LMAN1L: variants seen among roughly 807,000 people sequenced by gnomAD.
The protein encoded by LMAN1L is lectin, mannose binding 1 like.
In LMAN1L, 60 loss-of-function variants were observed where a neutral mutation model predicts 58.3. That is an observed-to-expected ratio of 1.03 (90% confidence interval 0.84 to 1.27). The LOEUF is 1.27. Among genes scored for constraint, LMAN1L ranks in the 50% most tolerant of loss-of-function variants. The probability of loss-of-function intolerance (pLI) is 0.00; values close to 1 mark genes in which losing one functional copy is unlikely to be tolerated. For synonymous variants in LMAN1L, 280 were observed against 271.6 expected (o/e 1.03, Z -0.31); for missense variants, 629 against 674.0 (o/e 0.93, Z 0.74).
chr15:74,815,049 GCATTGTCTGTT>G (rs2063884472), intron 1 of LMAN1L, among the ~76,000 whole-genome samples: 1 of 152,234 alleles, frequency 6.6e-6, no homozygotes, highest in Non-Finnish European at 1.5e-5. Flanking sequence ...AGTGATGTGT[GCATTGTCTGTT>G]CATTCATTCG....
At chr15:74,813,298 C>A in intron 1 of LMAN1L, 1 of 592,934 alleles carries the variant, frequency 1.7e-6, no homozygotes, top group Non-Finnish European at 3.2e-6. Context: ...TCTCCTTGGA[C>A]CCCTGCCCTT....
At chr15:74,817,129 C>T (rs1055547815) in intron 4 of LMAN1L, among the ~76,000 whole-genome samples, 5 of 152,130 alleles carry the variant, frequency 3.3e-5, no homozygotes, top group African/African-American at 1.2e-4. Context: ...GGCTTCTGTC[C>T]CTCCCCGGCC....
intron 7 of LMAN1L, chr15:74,820,325 C>A: frequency 1.6e-6 from 1 of 616,700 alleles, no homozygotes; most frequent in East Asian, 2.7e-5. Context: ...GCGATCAGTG[C>A]CAGGTCTCAA....
intron 4 of LMAN1L, 42 bp from the exon 5 acceptor site, chr15:74,818,676 G>A (rs375584045): frequency 9.7e-5 from 143 of 1,472,544 alleles, no homozygotes; most frequent in Middle Eastern, 1.7e-4. Flanking sequence ...CCTGGGCAGC[G>A]ACTCTTTCTC....
At position 74,820,773 on chromosome 15, in the gene LMAN1L, G is replaced by A. The variant is rs752012537; in HGVS notation, c.907+6G>A. ...CTCTGAAGCTCAAGGAGAAGGTAGGGACCGAGAGAGCGGGCAGGTGGCGCC... is the reference window on the plus strand; with the variant it reads ...CTCTGAAGCTCAAGGAGAAGGTAGGAACCGAGAGAGCGGGCAGGTGGCGCC... On this transcript the variant is annotated splice_donor_region_variant and intron_variant, in intron 8 of 13. Coordinates refer to ENST00000309664, the MANE Select transcript of LMAN1L (RefSeq NM_021819.3). The A allele has an allele frequency of 6.2e-7, 1 of 1,607,994 alleles. No individual in the cohort carries two copies. Among genetic ancestry groups the A allele is most frequent in the East Asian group, 2.2e-5 (1 of 44,768 alleles).
Position 74,819,056 on chromosome 15 carries a change from C to T in LMAN1L, c.598-96C>T, listed in dbSNP as rs1374634382. On this transcript the variant is annotated intron_variant, in intron 5 of 13. Transcript: ENST00000309664. Reference sequence around the variant, plus strand: ...GGTCACCTCCATGCCATTCTGATACCAAGCCCTAGGGCCACCTGCCATCCC... The same window carrying T: ...GGTCACCTCCATGCCATTCTGATACTAAGCCCTAGGGCCACCTGCCATCCC... 4 of 1,452,388 alleles carry T rather than the reference C, an allele frequency of 2.8e-6. No homozygotes were observed. The East Asian group carries it at 9.1e-5, about 33-fold the overall frequency. The allele number at this position is 1,452,388 out of a possible 1,614,324, so 90.0% of individuals were successfully genotyped here.
At chr15:74,816,786 G>A (rs1464103441) in intron 4 of LMAN1L, 96 bp downstream of exon 4, 3 of 1,234,800 alleles carry the variant, frequency 2.4e-6, no homozygotes, top group East Asian at 2.6e-5. Flanking sequence ...TCCTCCAGCA[G>A]GGGGCCCACC....
intron 4 of LMAN1L, 58 bp from the exon 5 acceptor site, chr15:74,818,660 C>T (rs1662940104): frequency 1.5e-6 from 2 of 1,360,896 alleles, no homozygotes; most frequent in African/African-American, 1.4e-5. Flanking sequence ...CACCACTGCA[C>T]TCCAGCCTGG....
chr15:74,815,073 C>T (rs934551133), intron 1 of LMAN1L, among the ~76,000 whole-genome samples: 1 of 152,236 alleles, frequency 6.6e-6, no homozygotes, highest in African/African-American at 2.4e-5. Flanking sequence ...TTCATTCGTT[C>T]ACCCTGATGT....
intron 7 of LMAN1L, chr15:74,820,329 G>A (rs1322861077): frequency 1.1e-5 from 7 of 615,258 alleles, no homozygotes; most frequent in Middle Eastern, 8.6e-4. Flanking sequence ...TCAGTGCCAG[G>A]TCTCAAAAGG....
rs544087414 is a variant in LMAN1L, at chr15:74,819,383, T to C, written c.718+111T>C. On this transcript the variant is annotated intron_variant, in intron 6 of 13. Transcript: ENST00000309664. ...GCGTCAGCCACTTCACCACATGACC[T>C]GGGCTTCTGTGACCCTTGGGAGAAG... 110 of 1,374,836 alleles carry C rather than the reference T, an allele frequency of 8.0e-5. 1 individual carries two copies. The Middle Eastern group carries it at 1.1e-3, about 14-fold the overall frequency. 85.2% of individuals were successfully genotyped at this position (1,374,836 alleles called of 1,614,324 possible). A position where few individuals can be genotyped will look rare whatever the true frequency, so the allele number is the denominator to read the frequency against.
intron 11 of LMAN1L, 72 bp downstream of exon 11, chr15:74,822,781 C>G: frequency 8.8e-6 from 10 of 1,142,276 alleles, no homozygotes; most frequent in Admixed American, 5.2e-5. Context: ...GCCCTTCATT[C>G]CTTCCATCAT....
intron 7 of LMAN1L, 125 bp downstream of exon 7, chr15:74,820,224 C>A: frequency 2.2e-6 from 2 of 906,472 alleles, no homozygotes; most frequent in Non-Finnish European, 3.6e-6. Flanking sequence ...TCTGCTCAGG[C>A]CAGACCTTGT....
chr15:74,818,710 G>A lies in LMAN1L; in HGVS notation c.498-8G>A. 6.3e-7 allele frequency: 1 copy of A among 1,597,858 alleles called. No homozygotes were observed. Among genetic ancestry groups the A allele is most frequent in the Non-Finnish European group, 8.5e-7 (1 of 1,171,720 alleles). The stretch of plus-strand genomic sequence containing the variant: ...TCAAAAACAAACAAATGAACAAACT[G>A]CCCACAGGGATGGAGCTAGCCAAGG... On this transcript the variant is annotated splice_polypyrimidine_tract_variant and splice_region_variant and intron_variant, in intron 4 of 13. Coordinates refer to ENST00000309664, the MANE Select transcript of LMAN1L (RefSeq NM_021819.3).
rs1251970340 is a variant in LMAN1L at position 74,822,678 on chromosome 15, T to C, written c.1168T>C (p.Trp390Arg). Residue 390 changes from tryptophan (W) to arginine (R), a missense_variant, in exon 11 of 14, where the codon TGG (tryptophan) becomes CGG (arginine). Transcript: ENST00000309664. ...AKVGALLHGQ[W>R]TLLQALQEMR... The stretch of plus-strand genomic sequence containing the variant: ...GGTCGGTGCCCTGCTCCATGGACAG[T>C]GGACTCTGCTCCAGGCCCTGCAAGA... The C allele has an allele frequency of 2.5e-6, 4 of 1,613,958 alleles. No homozygotes were observed. In the African/African-American group the frequency reaches 5.3e-5, roughly 22 times the overall value.
chr15:74,821,773 G>C, intron 9 of LMAN1L, 56 bp from the exon 10 acceptor site: 2 of 1,170,206 alleles, frequency 1.7e-6, no homozygotes, highest in South Asian at 1.3e-5. Context: ...GCTAGTGTGG[G>C]GAAGAGGGGA....
chr15:74,820,822 C>T lies in LMAN1L; in HGVS notation c.907+55C>T, dbSNP rs1038291302. 7.0e-6 allele frequency: 11 copies of T among 1,570,382 alleles called. No individual in the cohort carries two copies. The African/African-American group carries it at 1.5e-4, about 21-fold the overall frequency. ...CCCATCTGAGTGTCACAGCATCCTC[C>T]ACCCTTATGACCAGGGGTCCTTTAA... On this transcript the variant is annotated intron_variant, in intron 8 of 13. Coordinates refer to ENST00000309664, the MANE Select transcript of LMAN1L (RefSeq NM_021819.3).
intron 11 of LMAN1L, 106 bp downstream of exon 11, chr15:74,822,815 CT>C (rs2063923389): frequency 1.2e-6 from 1 of 800,854 alleles, no homozygotes; most frequent in South Asian, 1.5e-5. Context: ...AGCACACAGC[CT>C]GTCAATTGGA....
At chr15:74,823,433 G>C in intron 11 of LMAN1L, 126 bp from the exon 12 acceptor site, 1 of 1,019,350 alleles carries the variant, frequency 9.8e-7, no homozygotes, top group Non-Finnish European at 1.4e-6. Context: ...CCCAAGAAGG[G>C]GCCCCATGGA....
Sources: allele counts gnomAD v4.1 joint callset (sites outside exome capture counted in the v4.1 genomes callset), GRCh38; gene constraint gnomAD v4.1.1; transcripts MANE v1.5; gene names NCBI Gene and HGNC (gene_info 2026-07-23, HGNC 2026-07-21).